Variants in GPC5 observed in about 807,000 individuals in gnomAD.
The protein encoded by GPC5 is glypican-5.
In GPC5, 47 loss-of-function variants were observed where a neutral mutation model predicts 53.9. The observed-to-expected ratio is 0.87, with a 90% CI of 0.69 to 1.11. GPC5 has a LOEUF of 1.11. Ranked by LOEUF, GPC5 falls within the 50% of genes most tolerant of loss-of-function variation. The pLI is 0.00. For synonymous variants in GPC5, 286 were observed against 263.3 expected (o/e 1.09, Z -0.84); for missense variants, 748 against 713.1 (o/e 1.05, Z -0.56).
intron 6 of GPC5, among the ~76,000 whole-genome samples, chr13:92,127,821 T>A (rs941275481): frequency 1.3e-5 from 2 of 152,138 alleles, no homozygotes; most frequent in Admixed American, 1.3e-4. Flanking sequence ...CATGTGAAAA[T>A]TAACTTTTTT....
At chr13:91,686,087 A>G (rs531894045) in intron 2 of GPC5, among the ~76,000 whole-genome samples, 7 of 152,180 alleles carry the variant, frequency 4.6e-5, no homozygotes, top group African/African-American at 1.4e-4. Context: ...GATTATTAGA[A>G]AATTTGATTT....
chr13:92,295,432 C>G lies in GPC5; in HGVS notation c.1561+150443C>G, dbSNP rs182906354. Among the ~76,000 whole-genome samples, 203 of 152,110 alleles carry G rather than the reference C, an allele frequency of 1.3e-3. 1 individual carries two copies. The highest frequency in any genetic ancestry group is 4.6e-3 in the African/African-American group (193 of 41,510). ...AAATTTATTGAGGCTCATTTTGTGT[C>G]CTATCGTAGGTCTATCTTGAAGAAA... On this transcript the variant is annotated intron_variant, in intron 7 of 7. Coordinates refer to ENST00000377067, the MANE Select transcript of GPC5 (RefSeq NM_004466.6).
intron 2 of GPC5, among the ~76,000 whole-genome samples, chr13:91,485,281 C>T (rs1883540488): frequency 1.3e-5 from 2 of 150,642 alleles, no homozygotes; most frequent in Non-Finnish European, 2.9e-5. Context: ...GGTGCGATCT[C>T]AGCTCACTGC....
chr13:91,637,782 A>G (rs1320166196), intron 2 of GPC5, among the ~76,000 whole-genome samples: 3 of 152,192 alleles, frequency 2.0e-5, no homozygotes, highest in Admixed American at 2.0e-4. Flanking sequence ...GACCTACAAA[A>G]ATGAAGTTTA....
At chr13:92,174,957 C>T (rs536241266) in intron 7 of GPC5, among the ~76,000 whole-genome samples, 2 of 152,272 alleles carry the variant, frequency 1.3e-5, no homozygotes, top group South Asian at 4.1e-4. Context: ...TCAAGCGATT[C>T]TCCTGTCTCA....
At chr13:91,733,584 G>A (rs1351848109) in intron 4 of GPC5, among the ~76,000 whole-genome samples, 4 of 152,072 alleles carry the variant, frequency 2.6e-5, no homozygotes, top group Non-Finnish European at 5.9e-5. Flanking sequence ...TATTCTCTTT[G>A]TAGCAATTGT....
Position 91,821,796 on chromosome 13 carries a change from T to C in GPC5, c.1280+65376T>C, listed in dbSNP as rs530812781. ...CTTAGACATTACATGTGATCCTTTT[T>C]ATATATTGATAAAATCAATTTATTA... On this transcript the variant is annotated intron_variant, in intron 5 of 7. Coordinates refer to ENST00000377067, the MANE Select transcript of GPC5 (RefSeq NM_004466.6). Among the ~76,000 whole-genome samples, 11 of 152,300 alleles carry C rather than the reference T, an allele frequency of 7.2e-5. No individual in the cohort carries two copies. In the South Asian group the frequency reaches 2.3e-3, roughly 32 times the overall value.
At chr13:92,625,980 T>A (rs1179304738) in intron 7 of GPC5, among the ~76,000 whole-genome samples, 1 of 152,192 alleles carries the variant, frequency 6.6e-6, no homozygotes, top group South Asian at 2.1e-4. Flanking sequence ...AGGAACCAGA[T>A]CAAAGATTCC....
intron 5 of GPC5, among the ~76,000 whole-genome samples, chr13:91,773,064 G>A (rs1005153375): frequency 1.3e-5 from 2 of 152,014 alleles, no homozygotes; most frequent in South Asian, 2.1e-4. Flanking sequence ...GAGCAGATTC[G>A]GTATCTAATG....
intron 7 of GPC5, among the ~76,000 whole-genome samples, chr13:92,814,016 C>A (rs1166409379): frequency 6.6e-6 from 1 of 151,890 alleles, no homozygotes; most frequent in Non-Finnish European, 1.5e-5. Context: ...TTGTGTGATA[C>A]TGGTATCAAG....
At chr13:92,714,676 G>T (rs1351626157) in intron 7 of GPC5, among the ~76,000 whole-genome samples, 3 of 152,124 alleles carry the variant, frequency 2.0e-5, no homozygotes, top group African/African-American at 7.2e-5. Context: ...ATAGTAAGAG[G>T]CAGTTTTTTA....
chr13:91,701,579 T>A (rs1430162152), intron 3 of GPC5, among the ~76,000 whole-genome samples: 1 of 151,300 alleles, frequency 6.6e-6, no homozygotes, highest in Non-Finnish European at 1.5e-5. Flanking sequence ...GTGTTTGTGT[T>A]TGTGTATGTG....
At chr13:91,984,135 C>T (rs1016242634) in intron 6 of GPC5, among the ~76,000 whole-genome samples, 1 of 151,848 alleles carries the variant, frequency 6.6e-6, no homozygotes, top group African/African-American at 2.4e-5. Context: ...CCTCATACCA[C>T]GGTGAAGTTA....
At chr13:91,598,060 T>A (rs1413304651) in intron 2 of GPC5, among the ~76,000 whole-genome samples, 3 of 152,192 alleles carry the variant, frequency 2.0e-5, no homozygotes, top group African/African-American at 7.2e-5. Flanking sequence ...CGAGTCTATC[T>A]TCTTTAAAAC....
At chr13:92,168,535 G>A (rs1215338890) in intron 7 of GPC5, among the ~76,000 whole-genome samples, 2 of 152,146 alleles carry the variant, frequency 1.3e-5, no homozygotes, top group Non-Finnish European at 2.9e-5. Context: ...GACATGAACA[G>A]ATACTTCTTG....
intron 6 of GPC5, among the ~76,000 whole-genome samples, chr13:91,950,876 A>G (rs1409644453): frequency 6.6e-6 from 1 of 152,166 alleles, no homozygotes; most frequent in Non-Finnish European, 1.5e-5. Flanking sequence ...ATCGCATACC[A>G]GTAAATAGCA....
intron 7 of GPC5, among the ~76,000 whole-genome samples, chr13:92,223,619 ATTTT>A (rs200919096): frequency 2.0e-5 from 3 of 148,032 alleles, no homozygotes; most frequent in African/African-American, 4.9e-5. Flanking sequence ...AACCTCATTG[ATTTT>A]TTTTTTTCAA....
intron 6 of GPC5, among the ~76,000 whole-genome samples, chr13:92,095,035 G>A (rs2041411286): frequency 1.3e-5 from 2 of 152,046 alleles, no homozygotes; most frequent in African/African-American, 4.8e-5. Flanking sequence ...TTCAATCAAA[G>A]TCAAAGCTCA....
chr13:91,461,876 A>C (rs1230499508), intron 2 of GPC5, among the ~76,000 whole-genome samples: 1 of 152,126 alleles, frequency 6.6e-6, no homozygotes, highest in Non-Finnish European at 1.5e-5. Context: ...GGGGCTGCCA[A>C]GAGTCACATT....
Sources: allele counts gnomAD v4.1 joint callset (sites outside exome capture counted in the v4.1 genomes callset), GRCh38; gene constraint gnomAD v4.1.1; transcripts MANE v1.5; gene names NCBI Gene and HGNC (gene_info 2026-07-23, HGNC 2026-07-21).